MAST4: variants seen among roughly 807,000 people sequenced by gnomAD.
The protein encoded by MAST4 is microtubule associated serine/threonine kinase family member 4.
MAST4 carries 89 observed loss-of-function variants against 162.7 expected under a neutral mutation model. That is an observed-to-expected ratio of 0.55 (90% confidence interval 0.46 to 0.65). The LOEUF is 0.65. Ranked by LOEUF, MAST4 falls within the 30% of genes least tolerant of loss-of-function variation. The pLI is 0.00. For synonymous variants in MAST4, 1,479 were observed against 1,361.1 expected (o/e 1.09, Z -1.91); for missense variants, 3,153 against 3,374.0 (o/e 0.93, Z 1.62).
intron 19 of MAST4, among the ~76,000 whole-genome samples, chr5:67,140,719 T>A (rs982907232): frequency 1.3e-5 from 2 of 152,220 alleles, no homozygotes; most frequent in African/African-American, 2.4e-5. Context: ...CATGTGGTTA[T>A]ATTTGATGAT....
At chr5:66,938,305 A>T (rs1328980175) in intron 4 of MAST4, among the ~76,000 whole-genome samples, 2 of 152,190 alleles carry the variant, frequency 1.3e-5, no homozygotes, top group East Asian at 3.8e-4. Flanking sequence ...TAAAATTTAA[A>T]ATGCCATATA....
At chr5:66,992,565 C>T (rs1400052154) in intron 4 of MAST4, among the ~76,000 whole-genome samples, 1 of 152,214 alleles carries the variant, frequency 6.6e-6, no homozygotes, top group Admixed American at 6.5e-5. Flanking sequence ...ATGGTCACAT[C>T]TTCTAAGTTA....
chr5:66,712,885 G>A (rs1750586747), intron 1 of MAST4, among the ~76,000 whole-genome samples: 1 of 152,114 alleles, frequency 6.6e-6, no homozygotes. Context: ...CTATACGTTA[G>A]GGAAAGTTGA....
intron 4 of MAST4, among the ~76,000 whole-genome samples, chr5:66,985,996 G>A (rs1430713144): frequency 6.6e-6 from 1 of 152,178 alleles, no homozygotes. Context: ...TGCCAATAAT[G>A]ATCCCACGGT....
rs139296195 is a variant in MAST4 at position 66,639,528 on chromosome 5, C to T, written c.363+42510C>T. ...AGTGGTGTAACTATGTTCGGTGAAA[C>T]TGTATCAAATGACTTTAAGCATGGT... On this transcript the variant is annotated intron_variant, in intron 1 of 28. Transcript: ENST00000403625. Among the ~76,000 whole-genome samples, 527 of 152,202 alleles carry T rather than the reference C, an allele frequency of 3.5e-3. 3 individuals are homozygous for T. Among genetic ancestry groups the T allele is most frequent in the African/African-American group, 0.012 (495 of 41,508 alleles).
chr5:66,616,209 A>G (rs1743670974), intron 1 of MAST4, among the ~76,000 whole-genome samples: 1 of 152,160 alleles, frequency 6.6e-6, no homozygotes, highest in South Asian at 2.1e-4. Context: ...GAGGTCCGTC[A>G]CTTTATTACG....
At chr5:67,075,041 T>G (rs1412303254) in intron 5 of MAST4, among the ~76,000 whole-genome samples, 1 of 152,190 alleles carries the variant, frequency 6.6e-6, no homozygotes, top group African/African-American at 2.4e-5. Flanking sequence ...CAGTCTAATT[T>G]GTCCTTAGTC....
At chr5:66,788,591 A>T in intron 2 of MAST4, 79 bp from the exon 3 acceptor site, 10 of 618,920 alleles carry the variant, frequency 1.6e-5, no homozygotes, top group Middle Eastern at 3.0e-4. Context: ...AGGAAGAGAC[A>T]CCCCACCCCC....
chr5:67,087,424 A>G (rs1390617812), intron 5 of MAST4, among the ~76,000 whole-genome samples: 2 of 152,184 alleles, frequency 1.3e-5, no homozygotes, highest in African/African-American at 2.4e-5. Flanking sequence ...CTTGCCTCCA[A>G]GTATTTCTTA....
At chr5:67,048,419 A>C (rs1447709660) in intron 4 of MAST4, among the ~76,000 whole-genome samples, 1 of 152,168 alleles carries the variant, frequency 6.6e-6, no homozygotes, top group Non-Finnish European at 1.5e-5. Context: ...AAAAGTCAAA[A>C]ACATGACTGT....
chr5:66,914,440 G>A (rs754336251), intron 4 of MAST4, among the ~76,000 whole-genome samples: 17 of 152,276 alleles, frequency 1.1e-4, no homozygotes, highest in Middle Eastern at 3.4e-3. Flanking sequence ...TTGGGTGGGT[G>A]GTTCAGGGAG....
At chr5:66,877,870 G>A (rs1028232686) in intron 3 of MAST4, among the ~76,000 whole-genome samples, 2 of 152,110 alleles carry the variant, frequency 1.3e-5, no homozygotes, top group African/African-American at 4.8e-5. Flanking sequence ...AAAAACATAA[G>A]CCTTTAAAAG....
intron 3 of MAST4, among the ~76,000 whole-genome samples, chr5:66,804,967 TTCTC>T (rs1306882871): frequency 1.3e-5 from 2 of 152,192 alleles, no homozygotes; most frequent in African/African-American, 2.4e-5. Flanking sequence ...TAGTTTTGTC[TTCTC>T]TCTCTCACTT....
At chr5:66,928,579 C>G (rs1765074480) in intron 4 of MAST4, among the ~76,000 whole-genome samples, 1 of 152,094 alleles carries the variant, frequency 6.6e-6, no homozygotes, top group Non-Finnish European at 1.5e-5. Flanking sequence ...ACTACATTAC[C>G]TGTTAAATTG....
intron 5 of MAST4, among the ~76,000 whole-genome samples, chr5:67,063,358 A>G (rs1420158559): frequency 6.6e-6 from 1 of 152,160 alleles, no homozygotes; most frequent in Non-Finnish European, 1.5e-5. Context: ...AGTCTTTGTT[A>G]ATTCCTTTAT....
intron 4 of MAST4, among the ~76,000 whole-genome samples, chr5:66,904,619 A>C (rs154619): frequency 0.71 from 108,401 of 151,918 alleles, 38,920 homozygotes; most frequent in Middle Eastern, 0.77. Context: ...GAAGCAGTGA[A>C]TGACACTTGG....
chr5:66,687,236 C>T (rs2149491320), intron 1 of MAST4, among the ~76,000 whole-genome samples: 1 of 152,216 alleles, frequency 6.6e-6, no homozygotes, highest in Admixed American at 6.5e-5. Context: ...CCCTTCTTTT[C>T]CCTCATCCTT....
intron 2 of MAST4, among the ~76,000 whole-genome samples, chr5:66,769,977 A>C (rs1048995700): frequency 3.9e-5 from 6 of 152,240 alleles, no homozygotes; most frequent in Admixed American, 3.9e-4. Context: ...TAATAGGTAT[A>C]AAATTGCTAT....
At chr5:66,955,780 T>C (rs902256373) in intron 4 of MAST4, among the ~76,000 whole-genome samples, 2 of 152,206 alleles carry the variant, frequency 1.3e-5, no homozygotes, top group Non-Finnish European at 2.9e-5. Context: ...AAACCATGTG[T>C]GTATATATAT....
Sources: allele counts gnomAD v4.1 joint callset (sites outside exome capture counted in the v4.1 genomes callset), GRCh38; gene constraint gnomAD v4.1.1; transcripts MANE v1.5; gene names NCBI Gene and HGNC (gene_info 2026-07-23, HGNC 2026-07-21).